The following RXFP2 variants were observed in gnomAD, a reference collection of about 807,000 sequenced individuals.
RXFP2 encodes relaxin family peptide receptor 2, also known as relaxin receptor 2.
In RXFP2, 68 loss-of-function variants were observed where a neutral mutation model predicts 88.6. The observed-to-expected ratio is 0.77, with a 90% confidence interval of 0.63 to 0.94. RXFP2 has a LOEUF of 0.94. RXFP2 is among the 40% of genes least tolerant of loss of function. The pLI is 0.00. For synonymous variants in RXFP2, 329 were observed against 306.8 expected (o/e 1.07, Z -0.76); for missense variants, 791 against 893.9 (o/e 0.88, Z 1.47).
intron 14 of RXFP2, among the ~76,000 whole-genome samples, chr13:31,789,638 A>G (rs528983866): frequency 5.9e-5 from 9 of 152,346 alleles, no homozygotes; most frequent in Admixed American, 2.6e-4. Flanking sequence ...ATTAATCTTT[A>G]TAGTAGTTTT....
At chr13:31,792,057 G>A (rs1324639228) in intron 15 of RXFP2, 22 bp downstream of exon 15, 2 of 1,520,356 alleles carry the variant, frequency 1.3e-6, no homozygotes, top group African/African-American at 1.4e-5. Context: ...TCCAGTATAA[G>A]TAGATTAAGG....
chr13:31,743,143 T>C (rs1235642291), intron 1 of RXFP2, among the ~76,000 whole-genome samples: 1 of 152,192 alleles, frequency 6.6e-6, no homozygotes, highest in African/African-American at 2.4e-5. Context: ...AACAGTCATG[T>C]GATAAACAGA....
chr13:31,752,229 T>C (rs954272736), intron 1 of RXFP2, among the ~76,000 whole-genome samples: 1 of 152,174 alleles, frequency 6.6e-6, no homozygotes, highest in African/African-American at 2.4e-5. Flanking sequence ...AAATCTGTCT[T>C]TCAAACATTA....
At chr13:31,754,483 A>T (rs1284943884) in intron 1 of RXFP2, among the ~76,000 whole-genome samples, 1 of 151,574 alleles carries the variant, frequency 6.6e-6, no homozygotes, top group East Asian at 2.0e-4. Context: ...GTGAGCCGAG[A>T]TTGTGCCACT....
chr13:31,778,625 T>A, intron 9 of RXFP2, 42 bp downstream of exon 9: 1 of 1,316,894 alleles, frequency 7.6e-7, no homozygotes, highest in Non-Finnish European at 1.1e-6. Context: ...TTGCCCTGAT[T>A]AAGGAAACTA....
chr13:31,764,243 T>TTCA, intron 3 of RXFP2, among the ~76,000 whole-genome samples: 1 of 131,774 alleles, frequency 7.6e-6, no homozygotes, highest in Non-Finnish European at 1.6e-5. Context: ...TCTCTCTCTT[T>TTCA]CACACACACA....
At chr13:31,794,941 A>G (rs550466551) in intron 16 of RXFP2, among the ~76,000 whole-genome samples, 1 of 152,290 alleles carries the variant, frequency 6.6e-6, no homozygotes, top group African/African-American at 2.4e-5. Flanking sequence ...ATCAATTTGC[A>G]TATGAGAGGA....
intron 5 of RXFP2, among the ~76,000 whole-genome samples, chr13:31,771,936 T>A (rs1461194571): frequency 1.3e-5 from 2 of 151,102 alleles, no homozygotes; most frequent in African/African-American, 4.9e-5. Flanking sequence ...GGAGTTGAGA[T>A]CATTTAGGCA....
Position 31,786,262 on chromosome 13 carries a change from G to C in RXFP2, c.930-121G>C, listed in dbSNP as rs1470821246. The stretch of plus-strand genomic sequence containing the variant: ...GCCCTGTTGTGTAACAAGTTATCAG[G>C]TTGGTTAAATTGGATTCATATTTTC... On this transcript the variant is annotated intron_variant, in intron 11 of 17. Transcript: ENST00000298386. 1.5e-5 allele frequency: 12 copies of C among 789,502 alleles called. No individual in the cohort carries two copies. In the East Asian group the frequency reaches 2.6e-4, roughly 17 times the overall value. The allele number at this position is 789,502 out of a possible 1,614,324, so 48.9% of individuals were successfully genotyped here. A position where few individuals can be genotyped will look rare whatever the true frequency, so the allele number is the denominator to read the frequency against.
intron 2 of RXFP2, among the ~76,000 whole-genome samples, chr13:31,759,446 A>AAAGAAAGAAAGAAAGAAAGG (rs1872192647): frequency 6.6e-6 from 1 of 151,448 alleles, no homozygotes; most frequent in African/African-American, 2.4e-5. Context: ...AGAAAGAAAG[A>AAAGAAAGAAAGAAAGAAAGG]TACTGTGAAA....
intron 5 of RXFP2, among the ~76,000 whole-genome samples, chr13:31,769,609 A>T (rs991226134): frequency 7.2e-5 from 11 of 152,240 alleles, no homozygotes; most frequent in African/African-American, 2.7e-4. Flanking sequence ...AATAGGGAAG[A>T]ACTCGCATCC....
In RXFP2 at chr13:31,786,005, G is replaced by A. The variant is rs117673465; in HGVS notation, c.930-378G>A. On this transcript the variant is annotated intron_variant, in intron 11 of 17. Coordinates refer to ENST00000298386, the MANE Select transcript of RXFP2 (RefSeq NM_130806.5). ...GATGCAAGACTTGACCTCGAAAAGT[G>A]TAGTTGGATAAACAAGAGACCACGT... is the stretch of plus-strand genomic sequence containing the variant. 7.1e-3 allele frequency among the ~76,000 whole-genome samples: 1,087 copies of A among 152,364 alleles called. 8 individuals carry two copies. Among genetic ancestry groups the A allele is most frequent in the Non-Finnish European group, 0.011 (780 of 68,042 alleles).
chr13:31,740,135 T>A (rs1871173313), intron 1 of RXFP2, among the ~76,000 whole-genome samples: 1 of 152,124 alleles, frequency 6.6e-6, no homozygotes, highest in Non-Finnish European at 1.5e-5. Flanking sequence ...AACTGGGAAC[T>A]CCAAAGCCAC....
intron 1 of RXFP2, among the ~76,000 whole-genome samples, chr13:31,754,211 G>A (rs1212923597): frequency 2.0e-5 from 3 of 152,140 alleles, no homozygotes; most frequent in Admixed American, 6.6e-5. Flanking sequence ...TGTGAGATGG[G>A]CATTTAGTTA....
intron 10 of RXFP2, among the ~76,000 whole-genome samples, chr13:31,782,328 C>T (rs1025270466): frequency 6.6e-6 from 1 of 152,056 alleles, no homozygotes; most frequent in African/African-American, 2.4e-5. Context: ...TAGTTTTCCA[C>T]ATTTAGTAAG....
At chr13:31,791,117 A>T (rs987006867) in intron 14 of RXFP2, among the ~76,000 whole-genome samples, 12 of 152,248 alleles carry the variant, frequency 7.9e-5, no homozygotes, top group African/African-American at 2.4e-4. Flanking sequence ...CTAAACACAC[A>T]GGTTTGAGGG....
intron 3 of RXFP2, among the ~76,000 whole-genome samples, chr13:31,764,385 G>A (rs1872454795): frequency 6.6e-6 from 1 of 150,548 alleles, no homozygotes; most frequent in Admixed American, 6.6e-5. Flanking sequence ...TCCCTTCAGA[G>A]TACATCCTGA....
chr13:31,785,174 G>A (rs868816652), intron 11 of RXFP2, among the ~76,000 whole-genome samples: 3 of 152,042 alleles, frequency 2.0e-5, no homozygotes, highest in African/African-American at 7.2e-5. Flanking sequence ...GGTGGGTCCC[G>A]GGGATGTGCT....
chr13:31,757,794 G>C (rs1411761286), intron 1 of RXFP2, among the ~76,000 whole-genome samples: 2 of 152,064 alleles, frequency 1.3e-5, no homozygotes, highest in African/African-American at 4.8e-5. Flanking sequence ...GATTATGGCT[G>C]TTTAAAATGT....
Sources: allele counts gnomAD v4.1 joint callset (sites outside exome capture counted in the v4.1 genomes callset), GRCh38; gene constraint gnomAD v4.1.1; transcripts MANE v1.5; gene names NCBI Gene and HGNC (gene_info 2026-07-23, HGNC 2026-07-21).